The following RABIF variants were observed in gnomAD, a reference collection of about 807,000 sequenced individuals.
RABIF encodes RAB interacting factor.
RABIF carries 13 observed loss-of-function variants against 12.3 expected under a neutral mutation model. The observed-to-expected ratio is 1.06, with a 90% CI of 0.69 to 1.68. RABIF has a LOEUF of 1.68. RABIF is among the 40% of genes most tolerant of loss of function. RABIF has a pLI of 0.00. For missense variants in RABIF, 153 were observed against 158.0 expected, an observed-to-expected ratio of 0.97 and a Z score of 0.17; for synonymous variants, 70 against 63.3, an observed-to-expected ratio of 1.11 and a Z score of -0.50.
At position 202,881,217 on chromosome 1, in the gene RABIF, G is replaced by A. The variant is rs1659485523; in HGVS notation, c.133C>T (p.Leu45Phe). The A allele has an allele frequency of 6.2e-7, 1 of 1,611,682 alleles. No individual in the cohort carries two copies. Among genetic ancestry groups the A allele is most frequent in the Non-Finnish European group, 8.5e-7 (1 of 1,178,324 alleles). ...GCTGGCTTCTTTCTCATGGAGGGAA[G>A]GAAAAGCTGCAGTGGGAAAGAACAT... ...TALFSRRQLF[L>F]PSMRKKPALS... Residue 45 changes from leucine to phenylalanine, a missense_variant, in exon 2 of 2, where the codon CTT (leucine) becomes TTT (phenylalanine). This residue lies in a region of RABIF where 113 missense variants were observed against 90.9 expected (regional missense o/e 1.24). Transcript: ENST00000367262.
intron 1 of RABIF, 58 bp downstream of exon 1, chr1:202,888,915 T>G: frequency 1.4e-6 from 2 of 1,461,996 alleles, no homozygotes; most frequent in Non-Finnish European, 9.1e-7. Context: ...AGATTCTGAC[T>G]GCGGCGGCTC....
intron 1 of RABIF, among the ~76,000 whole-genome samples, chr1:202,888,229 A>ATT (rs201905197): frequency 6.6e-6 from 1 of 151,808 alleles, no homozygotes; most frequent in Non-Finnish European, 1.5e-5. Flanking sequence ...ACCGAAATAA[A>ATT]TTTTTTTTTC....
In RABIF at chr1:202,885,302, C is replaced by T. The variant is rs186902562; in HGVS notation, c.126+3671G>A. Among the ~76,000 whole-genome samples the T allele has an allele frequency of 2.7e-4, 41 of 152,262 alleles. 1 individual carries two copies. Among genetic ancestry groups the T allele is most frequent in the Admixed American group, 2.0e-3 (30 of 15,304 alleles). On this transcript the variant is annotated intron_variant, in intron 1 of 1. Transcript: ENST00000367262. ...CTAAAGAACTCTGGAATATAAGATA[C>T]AGTAACTCCTAGGCCCTGGATCACC...
At chr1:202,887,372 C>G (rs1443225193) in intron 1 of RABIF, among the ~76,000 whole-genome samples, 1 of 151,474 alleles carries the variant, frequency 6.6e-6, no homozygotes, top group East Asian at 1.9e-4. Context: ...TTTTTAAGCT[C>G]ATCAGCTATC....
intron 1 of RABIF, among the ~76,000 whole-genome samples, chr1:202,887,464 C>T (rs910766009): frequency 2.4e-4 from 36 of 150,942 alleles, no homozygotes; most frequent in African/African-American, 8.3e-4. Context: ...CTGTTTTACA[C>T]AATAGCAACC....
Position 202,883,188 on chromosome 1 carries a change from G to A in RABIF, c.127-1965C>T, listed in dbSNP as rs181295967. On this transcript the variant is annotated intron_variant, in intron 1 of 1. Coordinates refer to ENST00000367262, the MANE Select transcript of RABIF (RefSeq NM_002871.5). ...ACTTATTTCCCATTTCCCACCCCAC[G>A]ATATACTTTTTTGTTTTTTTGTAAT... 2.7e-3 allele frequency among the ~76,000 whole-genome samples: 416 copies of A among 152,060 alleles called. 3 individuals carry two copies. The highest frequency in any genetic ancestry group is 9.6e-3 in the African/African-American group (400 of 41,478).
In RABIF at chr1:202,879,962, T is replaced by TATGGAAATTTGTATCCATGCATCTGG. The variant is rs1335375165; in HGVS notation, c.*990_*1015dup. 1.3e-5 allele frequency: 2 copies of TATGGAAATTTGTATCCATGCATCTGG among 152,222 alleles called. No individual in the cohort carries two copies. Among genetic ancestry groups the TATGGAAATTTGTATCCATGCATCTGG allele is most frequent in the Admixed American group, 1.3e-4 (2 of 15,284 alleles). The allele number at this position is 152,222 out of a possible 1,614,324, so 9.4% of individuals were successfully genotyped here. On this transcript the variant is annotated 3_prime_UTR_variant, in exon 2 of 2. Coordinates refer to ENST00000367262, the MANE Select transcript of RABIF (RefSeq NM_002871.5). Reference sequence around the variant, plus strand: ...CAAACTGTTAGAGCAGCCCCGGAGCTATGGAAATTTGTATCCATGCATCTG... The same window carrying TATGGAAATTTGTATCCATGCATCTGG: ...CAAACTGTTAGAGCAGCCCCGGAGCTATGGAAATTTGTATCCATGCATCTGGATGGAAATTTGTATCCATGCATCTG...
Position 202,889,107 on chromosome 1 carries a change from C to T in RABIF, c.-9G>A. ...TGCTCCGCTGGTTCCATCGCCGCTGCCGCCACAGGCTCCTCAGCCACGGCT... is the reference window on the plus strand; with the variant it reads ...TGCTCCGCTGGTTCCATCGCCGCTGTCGCCACAGGCTCCTCAGCCACGGCT... On this transcript the variant is annotated 5_prime_UTR_variant, in exon 1 of 2. Coordinates refer to ENST00000367262, the MANE Select transcript of RABIF (RefSeq NM_002871.5). The T allele has an allele frequency of 6.2e-7, 1 of 1,600,156 alleles. No homozygotes were observed. Among genetic ancestry groups the T allele is most frequent in the South Asian group, 1.1e-5 (1 of 89,682 alleles).
In RABIF at chr1:202,889,056, CCTCGG is replaced by C. The variant is rs763276136; in HGVS notation, c.38_42del (p.Ala13GlyfsTer42). Reference sequence around the variant, plus strand: ...CACAGCACCGCCTTCCGGTTTCGGCCCTCGGCTGACACTAACTCGCTCGGCTGCTC... The same window carrying C: ...CACAGCACCGCCTTCCGGTTTCGGCCCTGACACTAACTCGCTCGGCTGCTC... On this transcript the variant is annotated frameshift_variant, in exon 1 of 2. Coordinates refer to ENST00000367262, the MANE Select transcript of RABIF (RefSeq NM_002871.5). LOFTEE classifies it high-confidence loss of function. 11 of 1,611,298 alleles carry C rather than the reference CCTCGG, an allele frequency of 6.8e-6. No homozygotes were observed. In the South Asian group the frequency reaches 1.1e-4, roughly 16 times the overall value.
At position 202,880,062 on chromosome 1, in the gene RABIF, G is replaced by A. The variant is rs1659465190; in HGVS notation, c.*916C>T. 6.6e-6 allele frequency: 1 copy of A among 152,306 alleles called. No individual in the cohort carries two copies. The highest frequency in any genetic ancestry group is 1.9e-4 in the East Asian group (1 of 5,190). 9.4% of individuals were successfully genotyped at this position (152,306 alleles called of 1,614,324 possible). ...ACTCCATGAGGACCATGCCCAGTAG[G>A]TTCAGTAAATGATACTATCCATTAA... On this transcript the variant is annotated 3_prime_UTR_variant, in exon 2 of 2. Coordinates refer to ENST00000367262, the MANE Select transcript of RABIF (RefSeq NM_002871.5).
chr1:202,887,106 A>G (rs1659575588), intron 1 of RABIF, among the ~76,000 whole-genome samples: 1 of 150,750 alleles, frequency 6.6e-6, no homozygotes, highest in Non-Finnish European at 1.5e-5. Flanking sequence ...GAAGTCTCTT[A>G]ATTTATGTCA....
At position 202,888,994 on chromosome 1, in the gene RABIF, G is replaced by T; in HGVS notation, c.105C>A (p.Thr35=). The change falls in exon 1 of 2, where the codon ACC becomes ACA. Residue 35 remains threonine, a synonymous_variant. Coordinates refer to ENST00000367262, the MANE Select transcript of RABIF (RefSeq NM_002871.5). ...RCGSRVLQPG[T]ALFSRRQLFL... ...CTACCTGTCGGCGAGAGAAGAGAGCGGTCCCTGGCTGCAGCACCCGGGAGC... is the reference window on the plus strand; with the variant it reads ...CTACCTGTCGGCGAGAGAAGAGAGCTGTCCCTGGCTGCAGCACCCGGGAGC... The T allele has an allele frequency of 1.3e-6, 2 of 1,584,482 alleles. No homozygotes were observed. The highest frequency in any genetic ancestry group is 1.7e-4 in the Middle Eastern group (1 of 5,978).
At chr1:202,885,474 G>A (rs970695337) in intron 1 of RABIF, among the ~76,000 whole-genome samples, 8 of 152,168 alleles carry the variant, frequency 5.3e-5, no homozygotes, top group Admixed American at 3.3e-4. Context: ...GGCTGGGAGC[G>A]CTCCTTTAAC....
Position 202,889,071 on chromosome 1 carries a change from A to G in RABIF, c.28T>C (p.Leu10=), listed in dbSNP as rs139503066. 9.8e-5 allele frequency: 158 copies of G among 1,610,666 alleles called. No individual in the cohort carries two copies. In the East Asian group the frequency reaches 2.7e-3, roughly 28 times the overall value. The change falls in exon 1 of 2, where the codon TTA becomes CTA. Residue 10 remains leucine (L), a synonymous_variant. Transcript: ENST00000367262. ...CGGTTTCGGCCCTCGGCTGACACTA[A>G]CTCGCTCGGCTGCTCCGCTGGTTCC... MEPAEQPSE[L]VSAEGRNRKA...
At chr1:202,885,975 A>C (rs1419798244) in intron 1 of RABIF, among the ~76,000 whole-genome samples, 1 of 150,838 alleles carries the variant, frequency 6.6e-6, no homozygotes, top group Non-Finnish European at 1.5e-5. Context: ...AAAAAAAAAA[A>C]AACCCACCTT....
rs1176332056 is a variant in RABIF at position 202,878,331 on chromosome 1, A to G, written c.*2647T>C. ...CTCTGAATCACCTCCAAGTTTGGCA[A>G]ATGCTCCCAGGAGAACGGTGGCCCT... On this transcript the variant is annotated 3_prime_UTR_variant, in exon 2 of 2. Transcript: ENST00000367262. Among the ~76,000 whole-genome samples the G allele has an allele frequency of 6.6e-6, 1 of 152,160 alleles. No individual in the cohort carries two copies.
intron 1 of RABIF, among the ~76,000 whole-genome samples, chr1:202,882,347 G>A (rs1179569942): frequency 1.3e-5 from 2 of 152,134 alleles, no homozygotes; most frequent in East Asian, 3.9e-4. Context: ...TCACACCACT[G>A]CTCTCCAGCC....
intron 1 of RABIF, among the ~76,000 whole-genome samples, chr1:202,887,582 C>T (rs1310989474): frequency 1.3e-5 from 2 of 151,432 alleles, no homozygotes; most frequent in South Asian, 2.1e-4. Context: ...ACTACAACCT[C>T]GGCTTCCCAG....
At chr1:202,883,690 C>A (rs1659521934) in intron 1 of RABIF, among the ~76,000 whole-genome samples, 1 of 152,172 alleles carries the variant, frequency 6.6e-6, no homozygotes, top group Non-Finnish European at 1.5e-5. Context: ...AGATCACCAC[C>A]TTCCCTCTCT....
Sources: gnomAD v4.1 joint callset for allele counts (sites outside exome capture counted in the v4.1 genomes callset) on GRCh38, gnomAD v4.1.1 for gene constraint, gnomAD v4.1.1 regional missense constraint, MANE v1.5 for transcripts, NCBI Gene and HGNC (gene_info 2026-07-23, HGNC 2026-07-21) for gene names.